SPOCK1: variants seen among roughly 807,000 people sequenced by gnomAD.
SPOCK1 encodes testican-1.
In SPOCK1, 23 loss-of-function variants were observed where a neutral mutation model predicts 55.3. That is an observed-to-expected ratio of 0.42 (90% confidence interval 0.30 to 0.59). The LOEUF (loss-of-function observed/expected upper bound fraction) is 0.59, where lower values mean the gene tolerates loss of function less well. Ranked by LOEUF, SPOCK1 falls within the 20% of genes least tolerant of loss-of-function variation. The pLI is 0.22. For missense variants in SPOCK1, 499 were observed against 552.5 expected (o/e 0.90, Z 0.97); for synonymous variants, 226 against 221.0 (o/e 1.02, Z -0.20).
intron 3 of SPOCK1, among the ~76,000 whole-genome samples, chr5:137,253,652 G>C (rs540318736): frequency 6.6e-6 from 1 of 152,116 alleles, no homozygotes; most frequent in Admixed American, 6.5e-5. Context: ...TCCCAGGAGC[G>C]GTGTCTCAGT....
At chr5:137,104,759 T>C (rs1448403620) in intron 5 of SPOCK1, among the ~76,000 whole-genome samples, 1 of 152,194 alleles carries the variant, frequency 6.6e-6, no homozygotes, top group African/African-American at 2.4e-5. Context: ...CCCCATCTAG[T>C]TGTAGGAAAA....
intron 2 of SPOCK1, among the ~76,000 whole-genome samples, chr5:137,406,946 G>T (rs1474039505): frequency 6.6e-6 from 1 of 152,174 alleles, no homozygotes; most frequent in Non-Finnish European, 1.5e-5. Flanking sequence ...TTATATTGAG[G>T]ACACTGATGC....
chr5:137,223,791 A>C (rs1170949080), intron 3 of SPOCK1, among the ~76,000 whole-genome samples: 1 of 152,172 alleles, frequency 6.6e-6, no homozygotes, highest in African/African-American at 2.4e-5. Context: ...AGAGTTCAGA[A>C]TGTCTGCCTA....
intron 2 of SPOCK1, among the ~76,000 whole-genome samples, chr5:137,360,416 C>T (rs754895891): frequency 6.6e-6 from 1 of 152,168 alleles, no homozygotes; most frequent in Non-Finnish European, 1.5e-5. Context: ...AGACAGGATC[C>T]GGGATCTCAC....
At chr5:137,384,507 T>TATAC (rs1266465541) in intron 2 of SPOCK1, among the ~76,000 whole-genome samples, 1 of 152,002 alleles carries the variant, frequency 6.6e-6, no homozygotes, top group Non-Finnish European at 1.5e-5. Context: ...CTTGGTGGCA[T>TATAC]ATACATACAT....
At chr5:137,257,369 G>T (rs2127110339) in intron 3 of SPOCK1, among the ~76,000 whole-genome samples, 1 of 152,256 alleles carries the variant, frequency 6.6e-6, no homozygotes, top group Non-Finnish European at 1.5e-5. Context: ...TGGTGATTAG[G>T]TCATGAGGGT....
At position 137,056,389 on chromosome 5, in the gene SPOCK1, G is replaced by A. The variant is rs76887629; in HGVS notation, c.589+11326C>T. Reference sequence around the variant, plus strand: ...GAGATCTGGATTTAGATGAGGTCAAGGGAGTAAGGGGACATGATGCCGTCC... The same window carrying A: ...GAGATCTGGATTTAGATGAGGTCAAAGGAGTAAGGGGACATGATGCCGTCC... On this transcript the variant is annotated intron_variant, in intron 6 of 10. Transcript: ENST00000394945. Among the ~76,000 whole-genome samples the A allele has an allele frequency of 4.7e-3, 722 of 152,174 alleles. 3 individuals are homozygous for A. The highest frequency in any genetic ancestry group is 8.2e-3 in the Non-Finnish European group (557 of 68,008).
chr5:137,127,786 AT>A (rs1471274894), intron 4 of SPOCK1, among the ~76,000 whole-genome samples: 2 of 152,202 alleles, frequency 1.3e-5, no homozygotes, highest in Non-Finnish European at 2.9e-5. Context: ...CTGGAGAGCA[AT>A]TTGCCTCAGG....
intron 3 of SPOCK1, among the ~76,000 whole-genome samples, chr5:137,146,219 C>T (rs1216871787): frequency 6.6e-6 from 1 of 152,206 alleles, no homozygotes; most frequent in Non-Finnish European, 1.5e-5. Context: ...TCTTAGAACC[C>T]CTTTTCTCCT....
intron 2 of SPOCK1, among the ~76,000 whole-genome samples, chr5:137,470,710 C>T (rs1753722278): frequency 6.6e-6 from 1 of 152,156 alleles, no homozygotes; most frequent in Non-Finnish European, 1.5e-5. Context: ...CACTGGTCAC[C>T]AGTGAATCAC....
intron 7 of SPOCK1, among the ~76,000 whole-genome samples, chr5:136,991,115 T>G (rs1221484199): frequency 2.0e-5 from 3 of 152,176 alleles, no homozygotes; most frequent in African/African-American, 4.8e-5. Context: ...AATTTGCTTT[T>G]GGGCAAAGGC....
intron 3 of SPOCK1, among the ~76,000 whole-genome samples, chr5:137,180,711 T>C (rs1754954392): frequency 6.6e-6 from 1 of 152,172 alleles, no homozygotes; most frequent in Non-Finnish European, 1.5e-5. Flanking sequence ...TCTAGAATAT[T>C]CAGGTCAGAG....
At chr5:137,003,911 G>A (rs540906867) in intron 6 of SPOCK1, among the ~76,000 whole-genome samples, 2 of 152,278 alleles carry the variant, frequency 1.3e-5, no homozygotes, top group South Asian at 4.1e-4. Flanking sequence ...GGAGTGGGAG[G>A]AGAACACTGG....
intron 2 of SPOCK1, among the ~76,000 whole-genome samples, chr5:137,381,871 TGCA>T (rs1290441231): frequency 6.6e-6 from 1 of 152,264 alleles, no homozygotes; most frequent in Non-Finnish European, 1.5e-5. Flanking sequence ...TGCAAATTTC[TGCA>T]GCAGACTTGA....
intron 4 of SPOCK1, among the ~76,000 whole-genome samples, chr5:137,120,357 C>T (rs1753662912): frequency 1.3e-5 from 2 of 152,304 alleles, no homozygotes; most frequent in African/African-American, 4.8e-5. Flanking sequence ...ATCAGGCCCA[C>T]CAGAAGGATA....
chr5:137,108,272 G>T (rs937074496), intron 5 of SPOCK1, among the ~76,000 whole-genome samples: 1 of 152,194 alleles, frequency 6.6e-6, no homozygotes, highest in Non-Finnish European at 1.5e-5. Context: ...CCCTTGGAAG[G>T]AAGCCTCATA....
At chr5:137,482,575 G>A (rs1394921780) in intron 2 of SPOCK1, among the ~76,000 whole-genome samples, 4 of 152,134 alleles carry the variant, frequency 2.6e-5, no homozygotes, top group Admixed American at 1.3e-4. Context: ...GCCTCAAACC[G>A]ACCAAACGGG....
intron 2 of SPOCK1, among the ~76,000 whole-genome samples, chr5:137,429,911 T>C (rs1158517357): frequency 6.6e-6 from 1 of 152,204 alleles, no homozygotes; most frequent in Non-Finnish European, 1.5e-5. Flanking sequence ...ACACTATGAT[T>C]GGTGTAGAAT....
At chr5:137,177,734 T>C (rs908461315) in intron 3 of SPOCK1, among the ~76,000 whole-genome samples, 17 of 151,916 alleles carry the variant, frequency 1.1e-4, no homozygotes, top group Non-Finnish European at 2.1e-4. Flanking sequence ...CCCCAAGCAT[T>C]CACTTTGAAG....
Sources: gnomAD v4.1 joint callset for allele counts (sites outside exome capture counted in the v4.1 genomes callset) on GRCh38, gnomAD v4.1.1 for gene constraint, MANE v1.5 for transcripts, NCBI Gene and HGNC (gene_info 2026-07-23, HGNC 2026-07-21) for gene names.